Variants in SBF2 observed in about 807,000 individuals in gnomAD.
SBF2 encodes SET binding factor 2.
In SBF2, 112 loss-of-function variants were observed where a neutral mutation model predicts 225.2. The ratio of observed to expected loss-of-function variants is 0.50; its 90% CI spans 0.43 to 0.58. The LOEUF (loss-of-function observed/expected upper bound fraction) is 0.58, where lower values mean the gene tolerates loss of function less well. Ranked by LOEUF, SBF2 falls within the 20% of genes least tolerant of loss-of-function variation. The pLI, the probability that SBF2 is intolerant of heterozygous loss-of-function variation, is 0.00. For missense variants in SBF2, 1,996 were observed against 2,206.2 expected (o/e 0.90, Z 1.91); for synonymous variants, 763 against 773.3 (o/e 0.99, Z 0.22).
chr11:10,119,917 G>C (rs992616700), intron 2 of SBF2, among the ~76,000 whole-genome samples: 2 of 152,138 alleles, frequency 1.3e-5, no homozygotes, highest in Non-Finnish European at 2.9e-5. Flanking sequence ...TCGGGCCTTA[G>C]AATCAATATT....
intron 1 of SBF2, among the ~76,000 whole-genome samples, chr11:10,244,248 TTCA>T (rs138818190): frequency 0.02 from 3,057 of 152,314 alleles, 97 homozygotes; most frequent in African/African-American, 0.062. Context: ...TTCTATGAGT[TTCA>T]TCGTTTCAGG....
intron 2 of SBF2, among the ~76,000 whole-genome samples, chr11:10,049,134 T>A (rs967390913): frequency 6.6e-6 from 1 of 152,210 alleles, no homozygotes; most frequent in African/African-American, 2.4e-5. Flanking sequence ...GGTATGAGAA[T>A]CCAGCTGCTT....
chr11:9,837,761 C>T (rs898019780), intron 26 of SBF2, among the ~76,000 whole-genome samples: 8 of 150,656 alleles, frequency 5.3e-5, no homozygotes, highest in Admixed American at 2.6e-4. Context: ...TTTTTGGAGA[C>T]GGAGTGTTGC....
chr11:10,298,252 A>T (rs1233286515), upstream of SBF2, among the ~76,000 whole-genome samples: 2 of 152,134 alleles, frequency 1.3e-5, no homozygotes, highest in Admixed American at 1.3e-4. Context: ...TTAGCTGGGC[A>T]TGGTGGCAGG....
rs762600096 is a variant in SBF2 at position 9,847,046 on chromosome 11, G to C, written c.2844C>G (p.Ala948=). The C allele has an allele frequency of 1.2e-6, 2 of 1,613,784 alleles. No homozygotes were observed. Among genetic ancestry groups the C allele is most frequent in the Admixed American group, 3.3e-5 (2 of 59,998 alleles). ...EQTVVRSFPI[A]SITKEKKITM... is the part of the protein sequence containing the mutation. Reference sequence around the variant, plus strand: ...TAATCTTCTTCTCCTTGGTGATGGAGGCAATGGGAAAGCTCCGCACAACTG... The same window carrying C: ...TAATCTTCTTCTCCTTGGTGATGGACGCAATGGGAAAGCTCCGCACAACTG... Residue 948 remains alanine (A), a synonymous_variant, in exon 23 of 40, where the codon GCC becomes GCG. Coordinates refer to ENST00000256190, the MANE Select transcript of SBF2 (RefSeq NM_030962.4).
chr11:10,015,613 G>T (rs1471303825), intron 6 of SBF2, among the ~76,000 whole-genome samples: 1 of 152,196 alleles, frequency 6.6e-6, no homozygotes, highest in African/African-American at 2.4e-5. Flanking sequence ...GACCCTTGAG[G>T]TAGATTTTGA....
chr11:10,000,479 C>T (rs951977198), intron 8 of SBF2, among the ~76,000 whole-genome samples: 12 of 152,098 alleles, frequency 7.9e-5, no homozygotes, highest in Non-Finnish European at 1.8e-4. Flanking sequence ...ACAAAAATTT[C>T]GTGGAAGCTC....
intron 17 of SBF2, among the ~76,000 whole-genome samples, chr11:9,877,912 A>G (rs188597412): frequency 6.6e-6 from 1 of 152,240 alleles, no homozygotes; most frequent in Non-Finnish European, 1.5e-5. Flanking sequence ...GTATATACCC[A>G]GTAATGGGAT....
chr11:9,987,261 C>A (rs1033553070), intron 13 of SBF2, among the ~76,000 whole-genome samples: 1 of 152,008 alleles, frequency 6.6e-6, no homozygotes, highest in Non-Finnish European at 1.5e-5. Context: ...AACTGGCATA[C>A]GAGGGACATA....
At chr11:9,781,936 C>A (rs182907672) in intron 38 of SBF2, among the ~76,000 whole-genome samples, 217 of 152,106 alleles carry the variant, frequency 1.4e-3, no homozygotes, top group African/African-American at 5.1e-3. Context: ...TAATCCCAGT[C>A]CTTTTTGGGA....
intron 16 of SBF2, among the ~76,000 whole-genome samples, chr11:9,950,150 A>T (rs956360488): frequency 2.6e-5 from 3 of 117,082 alleles, no homozygotes; most frequent in African/African-American, 8.6e-5. Context: ...GCAGGGATTA[A>T]AAAAAAAAAA....
intron 2 of SBF2, among the ~76,000 whole-genome samples, chr11:10,069,764 A>G (rs1431727300): frequency 1.4e-4 from 21 of 152,176 alleles, no homozygotes; most frequent in Admixed American, 1.4e-3. Flanking sequence ...GAACTAATTT[A>G]TACTCCCACC....
intron 26 of SBF2, among the ~76,000 whole-genome samples, chr11:9,835,800 T>C (rs887292947): frequency 9.2e-5 from 14 of 152,260 alleles, no homozygotes; most frequent in African/African-American, 3.4e-4. Flanking sequence ...TACTCACGTG[T>C]AGTTTGTTCA....
rs1851878547 is a variant in SBF2 at position 9,779,148 on chromosome 11, T to C, written c.*1270A>G. 6.6e-6 allele frequency: 1 copy of C among 152,650 alleles called. No homozygotes were observed. The allele number at this position is 152,650 out of a possible 1,614,324, so 9.5% of individuals were successfully genotyped here. A position where few individuals can be genotyped will look rare whatever the true frequency, so the allele number is the denominator to read the frequency against. ...ATTTTTAATCTACAAAGTATTTTTATTTTTTAAAAGGGAACCATTTCATTA... is the reference window on the plus strand; with the variant it reads ...ATTTTTAATCTACAAAGTATTTTTACTTTTTAAAAGGGAACCATTTCATTA... On this transcript the variant is annotated 3_prime_UTR_variant, in exon 40 of 40. Coordinates refer to ENST00000256190, the MANE Select transcript of SBF2 (RefSeq NM_030962.4).
chr11:10,166,911 G>A lies in SBF2; in HGVS notation c.141+26991C>T, dbSNP rs548686406. Among the ~76,000 whole-genome samples, 602 of 151,870 alleles carry A rather than the reference G, an allele frequency of 4.0e-3. 4 individuals are homozygous for A. The highest frequency in any genetic ancestry group is 5.4e-3 in the South Asian group (26 of 4,810). ...CGGAAGTCAGAGGTTGCAGTGAGCC[G>A]AGATCATGCCACTGTACTCCAGCCT... On this transcript the variant is annotated intron_variant, in intron 2 of 39. Coordinates refer to ENST00000256190, the MANE Select transcript of SBF2 (RefSeq NM_030962.4).
At chr11:9,858,150 T>C (rs1201870764) in intron 18 of SBF2, 76 bp downstream of exon 18, 1 of 1,555,364 alleles carries the variant, frequency 6.4e-7, no homozygotes, top group Non-Finnish European at 8.8e-7. Flanking sequence ...GAGTTTTTTT[T>C]GCCCTGGGAA....
chr11:10,279,000 G>A lies in SBF2; in HGVS notation c.55+15015C>T, dbSNP rs185216629. On this transcript the variant is annotated intron_variant, in intron 1 of 39. Transcript: ENST00000256190. ...CTTAATCTCAGCGCTTTGGGTGGCC[G>A]AGGTGAAAGAATGGCTGAGGCCATG... Among the ~76,000 whole-genome samples, 69 of 150,734 alleles carry A rather than the reference G, an allele frequency of 4.6e-4. No homozygotes were observed. The East Asian group carries it at 9.9e-3, about 22-fold the overall frequency.
intron 3 of SBF2, among the ~76,000 whole-genome samples, chr11:10,038,043 T>C (rs572496047): frequency 3.9e-5 from 6 of 152,162 alleles, no homozygotes; most frequent in Admixed American, 1.3e-4. Flanking sequence ...AAAGCTTCTA[T>C]TGTTGGACAC....
chr11:10,051,962 G>A (rs1472609663), intron 2 of SBF2, among the ~76,000 whole-genome samples: 2 of 152,070 alleles, frequency 1.3e-5, no homozygotes, highest in Admixed American at 1.3e-4. Context: ...AAATGTGTTA[G>A]AGAAATAAAC....
Sources: gnomAD v4.1 joint callset for allele counts (sites outside exome capture counted in the v4.1 genomes callset) on GRCh38, gnomAD v4.1.1 for gene constraint, MANE v1.5 for transcripts, NCBI Gene and HGNC (gene_info 2026-07-23, HGNC 2026-07-21) for gene names.